NCALD: variants seen among roughly 807,000 people sequenced by gnomAD.
The protein encoded by NCALD is neurocalcin-delta.
In NCALD, 10 loss-of-function variants were observed where a neutral mutation model predicts 18.6. That is an observed-to-expected ratio of 0.54 (90% CI 0.33 to 0.91). The LOEUF (loss-of-function observed/expected upper bound fraction) is 0.91, where lower values mean the gene tolerates loss of function less well. Among genes scored for constraint, NCALD ranks in the 40% least tolerant of loss-of-function variants. The pLI is 0.03. For synonymous variants in NCALD, 88 were observed against 87.4 expected, an observed-to-expected ratio of 1.01 and a Z score of -0.04; for missense variants, 184 against 247.6, an observed-to-expected ratio of 0.74 and a Z score of 1.72.
chr8:101,879,906 G>T (rs1327976874), intron 4 of NCALD, among the ~76,000 whole-genome samples: 1 of 152,206 alleles, frequency 6.6e-6, no homozygotes, highest in African/African-American at 2.4e-5. Context: ...CAGGAAACCA[G>T]CTGGCTTCCT....
chr8:102,039,448 G>A (rs1051148392), intron 1 of NCALD, among the ~76,000 whole-genome samples: 1 of 152,136 alleles, frequency 6.6e-6, no homozygotes, highest in African/African-American at 2.4e-5. Context: ...CTAAGAGAGA[G>A]CAATCACTGA....
At chr8:101,798,632 T>C (rs1812726124) in intron 4 of NCALD, among the ~76,000 whole-genome samples, 1 of 152,126 alleles carries the variant, frequency 6.6e-6, no homozygotes, top group East Asian at 1.9e-4. Context: ...CTCAGCAAGA[T>C]TTGTTACAGA....
intron 4 of NCALD, among the ~76,000 whole-genome samples, chr8:101,876,415 A>G (rs1816228687): frequency 6.6e-6 from 1 of 152,256 alleles, no homozygotes; most frequent in Middle Eastern, 3.2e-3. Context: ...TAGCCTGAAC[A>G]GTATTATAGC....
intron 1 of NCALD, among the ~76,000 whole-genome samples, chr8:101,731,262 G>A (rs1178705020): frequency 6.6e-6 from 1 of 152,138 alleles, no homozygotes; most frequent in East Asian, 1.9e-4. Context: ...GTGATGTGGG[G>A]CCTGGACATG....
intron 4 of NCALD, among the ~76,000 whole-genome samples, chr8:101,852,920 G>A (rs983849332): frequency 6.6e-5 from 10 of 152,138 alleles, no homozygotes; most frequent in Non-Finnish European, 1.5e-4. Context: ...AACTGTGTAT[G>A]AGCCATACAA....
Position 101,690,978 on chromosome 8 carries a change from C to G in NCALD, c.485-1572G>C, listed in dbSNP as rs370865601. The G allele has an allele frequency of 7.0e-5, 69 of 985,458 alleles. No homozygotes were observed. In the East Asian group the frequency reaches 4.2e-3, roughly 60 times the overall value. 61.0% of individuals were successfully genotyped at this position (985,458 alleles called of 1,614,324 possible). On this transcript the variant is annotated intron_variant, in intron 3 of 3. Transcript: ENST00000220931. Reference sequence around the variant, plus strand: ...AACTGTCTGCATGATTCAGAGTTGGCTCCTAGGAGAACTTGCCTGAGGGCC... The same window carrying G: ...AACTGTCTGCATGATTCAGAGTTGGGTCCTAGGAGAACTTGCCTGAGGGCC...
chr8:102,108,247 A>G (rs78751838), intron 1 of NCALD, among the ~76,000 whole-genome samples: 2,005 of 152,342 alleles, frequency 0.013, 68 homozygotes, highest in African/African-American at 0.046. Context: ...ACACAAAAAC[A>G]CACATCAATC....
chr8:101,846,539 C>A lies in NCALD; in HGVS notation c.-20+40602G>T, dbSNP rs1031459022. On this transcript the variant is annotated intron_variant, in intron 4 of 6. Coordinates refer to the NCALD transcript ENST00000311028. ...ACCCAGCAACATCAGGAACCTGGATCATTCTAGCTCTATTTGGGTGAACTT... is the reference window on the plus strand; with the variant it reads ...ACCCAGCAACATCAGGAACCTGGATAATTCTAGCTCTATTTGGGTGAACTT... 6.6e-5 allele frequency among the ~76,000 whole-genome samples: 10 copies of A among 152,272 alleles called. No homozygotes were observed. The East Asian group carries it at 1.9e-3, about 29-fold the overall frequency.
Position 101,947,225 on chromosome 8 carries a change from G to A in NCALD, c.-156-31367C>T, listed in dbSNP as rs1586805772. Among the ~76,000 whole-genome samples, 3 of 152,296 alleles carry A rather than the reference G, an allele frequency of 2.0e-5. No individual in the cohort carries two copies. In the East Asian group the frequency reaches 5.8e-4, roughly 29 times the overall value. ...AAAGTCATGGCAACAGTTTTTTGGGGATGCTTGAGGAATTTTGCTTGTTGA... is the reference window on the plus strand; with the variant it reads ...AAAGTCATGGCAACAGTTTTTTGGGAATGCTTGAGGAATTTTGCTTGTTGA... On this transcript the variant is annotated intron_variant, in intron 2 of 6. Transcript: ENST00000311028.
chr8:101,928,175 T>A (rs932638615), intron 2 of NCALD, among the ~76,000 whole-genome samples: 2 of 152,072 alleles, frequency 1.3e-5, no homozygotes, highest in African/African-American at 4.8e-5. Flanking sequence ...CTCTCAATGA[T>A]CGCGCGATGT....
At chr8:101,952,805 C>T (rs1364874507) in intron 2 of NCALD, among the ~76,000 whole-genome samples, 1 of 152,186 alleles carries the variant, frequency 6.6e-6, no homozygotes, top group Non-Finnish European at 1.5e-5. Context: ...TAAGGGAGCA[C>T]AGGAGATCTG....
chr8:101,927,356 C>T (rs1818373356), intron 2 of NCALD, among the ~76,000 whole-genome samples: 1 of 152,170 alleles, frequency 6.6e-6, no homozygotes, highest in African/African-American at 2.4e-5. Context: ...TACAAGTAAA[C>T]AAACATATCC....
At chr8:101,821,981 T>C (rs1449129242) in intron 4 of NCALD, among the ~76,000 whole-genome samples, 1 of 151,788 alleles carries the variant, frequency 6.6e-6, no homozygotes, top group Non-Finnish European at 1.5e-5. Flanking sequence ...GTCTCCTGGC[T>C]GTGGAGATGA....
chr8:102,116,664 T>C (rs1282625309), intron 1 of NCALD, among the ~76,000 whole-genome samples: 2 of 152,012 alleles, frequency 1.3e-5, no homozygotes, highest in Non-Finnish European at 2.9e-5. Flanking sequence ...CTTTTACTTA[T>C]TTTTATCTAT....
chr8:101,751,708 C>A (rs759791060), intron 1 of NCALD, among the ~76,000 whole-genome samples: 2 of 152,140 alleles, frequency 1.3e-5, no homozygotes, highest in Non-Finnish European at 2.9e-5. Flanking sequence ...ATGATCTTCA[C>A]AAGACCTGGC....
At chr8:101,977,543 T>G in intron 2 of NCALD, among the ~76,000 whole-genome samples, 1 of 152,240 alleles carries the variant, frequency 6.6e-6, no homozygotes, top group East Asian at 1.9e-4. Flanking sequence ...GCAAACTTGT[T>G]ATTAACATGG....
chr8:102,023,770 G>A (rs1286030338), intron 1 of NCALD, among the ~76,000 whole-genome samples: 1 of 152,176 alleles, frequency 6.6e-6, no homozygotes, highest in African/African-American at 2.4e-5. Flanking sequence ...CAGCCAACCA[G>A]GGCTCTAGTC....
intron 4 of NCALD, among the ~76,000 whole-genome samples, chr8:101,868,651 C>T (rs978644544): frequency 2.5e-4 from 38 of 152,262 alleles, no homozygotes; most frequent in African/African-American, 6.5e-4. Context: ...AACTCCTTGA[C>T]GCATGAGGAG....
intron 1 of NCALD, among the ~76,000 whole-genome samples, chr8:102,114,074 T>A (rs940382138): frequency 6.6e-6 from 1 of 152,256 alleles, no homozygotes; most frequent in African/African-American, 2.4e-5. Flanking sequence ...ACAAGCATGA[T>A]GCCCACGTGA....
Sources: gnomAD v4.1 joint callset for allele counts (sites outside exome capture counted in the v4.1 genomes callset) on GRCh38, gnomAD v4.1.1 for gene constraint, MANE v1.5 for transcripts, NCBI Gene and HGNC (gene_info 2026-07-23, HGNC 2026-07-21) for gene names.